CACNA2D1: variants seen among roughly 807,000 people sequenced by gnomAD.
CACNA2D1 encodes calcium voltage-gated channel auxiliary subunit alpha2delta 1, also known as voltage-dependent calcium channel subunit alpha-2/delta-1.
In CACNA2D1, 53 loss-of-function variants were observed where a neutral mutation model predicts 171.5. The observed-to-expected ratio is 0.31, with a 90% CI of 0.25 to 0.39. CACNA2D1 has a LOEUF of 0.39. Among genes scored for constraint, CACNA2D1 ranks in the 10% least tolerant of loss-of-function variants. The pLI is 1.00. For synonymous variants in CACNA2D1, 442 were observed against 443.1 expected, an observed-to-expected ratio of 1.00 and a Z score of 0.03; for missense variants, 903 against 1,299.8, an observed-to-expected ratio of 0.69 and a Z score of 4.69.
At chr7:82,186,290 A>AAGGAAGGAAGGAAG (rs1797772703) in intron 3 of CACNA2D1, among the ~76,000 whole-genome samples, 180 of 112,316 alleles carry the variant, frequency 1.6e-3, no homozygotes, top group African/African-American at 3.3e-3. Flanking sequence ...AAGGAAGGAA[A>AAGGAAGGAAGGAAG]GAAAGGTGGG....
intron 3 of CACNA2D1, among the ~76,000 whole-genome samples, chr7:82,324,047 T>C (rs1816324569): frequency 6.6e-6 from 1 of 152,168 alleles, no homozygotes; most frequent in Non-Finnish European, 1.5e-5. Context: ...TCTCTAGCAC[T>C]GAGAGATTTA....
chr7:82,219,320 A>G (rs151022603), intron 3 of CACNA2D1, among the ~76,000 whole-genome samples: 18 of 152,264 alleles, frequency 1.2e-4, no homozygotes, highest in Middle Eastern at 3.4e-3. Context: ...ATTATTTTAC[A>G]TATTTTCTAA....
chr7:82,427,502 G>A (rs183310063), intron 1 of CACNA2D1, among the ~76,000 whole-genome samples: 1 of 152,290 alleles, frequency 6.6e-6, no homozygotes, highest in East Asian at 1.9e-4. Context: ...CTAGTTAATG[G>A]TGGAAGCAAA....
At chr7:82,104,718 A>G (rs1813105981) in intron 6 of CACNA2D1, among the ~76,000 whole-genome samples, 1 of 152,092 alleles carries the variant, frequency 6.6e-6, no homozygotes, top group Admixed American at 6.5e-5. Context: ...CCTTTAAAAA[A>G]TAAGTATGAG....
chr7:82,253,804 T>C (rs558695103), intron 3 of CACNA2D1, among the ~76,000 whole-genome samples: 3 of 152,334 alleles, frequency 2.0e-5, no homozygotes, highest in Admixed American at 2.0e-4. Flanking sequence ...CTACTGAACC[T>C]TGAATTTAGT....
intron 4 of CACNA2D1, among the ~76,000 whole-genome samples, chr7:82,140,949 G>A (rs1052180350): frequency 7.6e-5 from 5 of 66,216 alleles, no homozygotes; most frequent in East Asian, 3.5e-4. Context: ...AGCAAGACTC[G>A]TCTCTAAAAA....
chr7:82,081,432 A>G lies in CACNA2D1; in HGVS notation c.658+3337T>C, dbSNP rs117752404. 8.3e-3 allele frequency among the ~76,000 whole-genome samples: 1,262 copies of G among 152,274 alleles called. 12 individuals are homozygous for G. The highest frequency in any genetic ancestry group is 0.014 in the Middle Eastern group (4 of 290). On this transcript the variant is annotated intron_variant, in intron 7 of 38. Transcript: ENST00000356860. ...ATGTCTTTACTAAATACTTGGTTAT[A>G]TTATATCATTACTGTCATAAAGAGC...
intron 19 of CACNA2D1, among the ~76,000 whole-genome samples, chr7:81,996,462 A>C (rs1441507556): frequency 6.6e-6 from 1 of 152,042 alleles, no homozygotes; most frequent in Non-Finnish European, 1.5e-5. Context: ...AAAAATCCTA[A>C]AAATCTGTAA....
chr7:82,211,660 C>T (rs949390858), intron 3 of CACNA2D1, among the ~76,000 whole-genome samples: 1 of 152,136 alleles, frequency 6.6e-6, no homozygotes, highest in Non-Finnish European at 1.5e-5. Flanking sequence ...AATAGCACCA[C>T]AATAAACATA....
intron 3 of CACNA2D1, among the ~76,000 whole-genome samples, chr7:82,235,456 A>T (rs1803470777): frequency 6.6e-6 from 1 of 152,282 alleles, no homozygotes; most frequent in Middle Eastern, 3.4e-3. Context: ...CACTGGCCAC[A>T]TTATGAATTC....
chr7:82,297,257 A>T (rs1367088461), intron 3 of CACNA2D1, among the ~76,000 whole-genome samples: 1 of 151,954 alleles, frequency 6.6e-6, no homozygotes, highest in Non-Finnish European at 1.5e-5. Context: ...AAAAATAAAC[A>T]AATAGAAAAA....
intron 10 of CACNA2D1, among the ~76,000 whole-genome samples, chr7:82,051,705 G>T (rs1805216998): frequency 6.6e-6 from 1 of 152,160 alleles, no homozygotes; most frequent in Admixed American, 6.6e-5. Flanking sequence ...CTGGCTTGCA[G>T]TATTTTACTC....
rs10242124 is a variant in CACNA2D1, at chr7:81,951,529, T to C, written c.3160-1021A>G. On this transcript the variant is annotated intron_variant, in intron 38 of 38. Transcript: ENST00000356860. ...CCTCCCAAGTCCCCAAAGTCCATTA[T>C]ATCATTCTTATGCCTCTGCATCCTT... 4.6e-3 allele frequency among the ~76,000 whole-genome samples: 702 copies of C among 152,180 alleles called. 8 individuals are homozygous for C. The highest frequency in any genetic ancestry group is 0.016 in the African/African-American group (680 of 41,530).
intron 1 of CACNA2D1, among the ~76,000 whole-genome samples, chr7:82,355,553 C>T (rs774661877): frequency 1.6e-4 from 25 of 152,002 alleles, no homozygotes; most frequent in Non-Finnish European, 3.1e-4. Context: ...CCAGAGTTTC[C>T]GTATGCAGTC....
At chr7:82,419,894 T>A (rs752989207) in intron 1 of CACNA2D1, among the ~76,000 whole-genome samples, 1 of 152,184 alleles carries the variant, frequency 6.6e-6, no homozygotes, top group Non-Finnish European at 1.5e-5. Context: ...TCAGGAGACA[T>A]CTGATGATAT....
At chr7:82,147,847 A>G (rs1278840378) in intron 4 of CACNA2D1, among the ~76,000 whole-genome samples, 2 of 152,182 alleles carry the variant, frequency 1.3e-5, no homozygotes, top group Non-Finnish European at 2.9e-5. Context: ...CACTACATCA[A>G]TTTCATTCAT....
chr7:82,417,422 CAATTT>C (rs1259289081), intron 1 of CACNA2D1, among the ~76,000 whole-genome samples: 1 of 152,172 alleles, frequency 6.6e-6, no homozygotes, highest in Non-Finnish European at 1.5e-5. Context: ...TTGAACTACC[CAATTT>C]ACCTGTTTTA....
chr7:82,180,650 G>T (rs1437281567), intron 3 of CACNA2D1, among the ~76,000 whole-genome samples: 1 of 152,158 alleles, frequency 6.6e-6, no homozygotes, highest in Non-Finnish European at 1.5e-5. Flanking sequence ...TGAGGCGCTG[G>T]GTTGTGAGGA....
intron 1 of CACNA2D1, among the ~76,000 whole-genome samples, chr7:82,366,468 G>T (rs1460859465): frequency 6.6e-6 from 1 of 152,094 alleles, no homozygotes; most frequent in Non-Finnish European, 1.5e-5. Flanking sequence ...TCAGTGAAAG[G>T]ATGTGGTATT....
Sources: allele counts gnomAD v4.1 joint callset (sites outside exome capture counted in the v4.1 genomes callset), GRCh38; gene constraint gnomAD v4.1.1; transcripts MANE v1.5; gene names NCBI Gene and HGNC (gene_info 2026-07-23, HGNC 2026-07-21).